The following TTLL11 variants were observed in gnomAD, a reference collection of about 807,000 sequenced individuals.
The protein encoded by TTLL11 is tubulin tyrosine ligase like 11, also known as tubulin polyglutamylase TTLL11.
TTLL11 carries 42 observed loss-of-function variants against 51.7 expected under a neutral mutation model. The observed-to-expected ratio is 0.81, with a 90% CI of 0.64 to 1.05. The LOEUF is 1.05. Ranked by LOEUF, TTLL11 falls within the 50% of genes least tolerant of loss-of-function variation. TTLL11 has a pLI of 0.00. For synonymous variants in TTLL11, 381 were observed against 383.5 expected, an observed-to-expected ratio of 0.99 and a Z score of 0.08; for missense variants, 799 against 940.4, an observed-to-expected ratio of 0.85 and a Z score of 1.97.
intron 6 of TTLL11, among the ~76,000 whole-genome samples, chr9:121,874,756 A>ATTTT (rs35998915): frequency 3.6e-5 from 5 of 137,606 alleles, no homozygotes; most frequent in Non-Finnish European, 4.7e-5. Flanking sequence ...CAGAGGCATA[A>ATTTT]TTTTTTTTTT....
chr9:121,989,160 G>C lies in TTLL11; in HGVS notation c.1269+35C>G. ...GAGAGCCCTCTTGAGGCCGGTCAAG[G>C]CTGGAAACGCAGGCTGGGAACTGGC... On this transcript the variant is annotated intron_variant, in intron 4 of 8. Coordinates refer to ENST00000321582, the MANE Select transcript of TTLL11 (RefSeq NM_001139442.2). This position sits in a 1 kb window ranked among gnomAD's most constrained non-coding sequence, Gnocchi z 4.2. 15 of 1,607,372 alleles carry C rather than the reference G, an allele frequency of 9.3e-6. No homozygotes were observed. The highest frequency in any genetic ancestry group is 1.3e-5 in the Non-Finnish European group (15 of 1,176,122).
chr9:122,084,199 G>T (rs1846065695), intron 1 of TTLL11, among the ~76,000 whole-genome samples: 1 of 152,134 alleles, frequency 6.6e-6, no homozygotes, highest in Non-Finnish European at 1.5e-5. Context: ...CGCACCCAGG[G>T]AAGACTACAC....
chr9:121,830,154 A>ATGTTATTATGCCCACTTTTATGTTATTAT (rs1836957526), intron 8 of TTLL11, among the ~76,000 whole-genome samples: 1 of 152,224 alleles, frequency 6.6e-6, no homozygotes, highest in Non-Finnish European at 1.5e-5. Context: ...CCCACTTTGT[A>ATGTTATTATGCCCACTTTTATGTTATTAT]GCTGAGGACA....
At chr9:122,092,592 C>A in intron 1 of TTLL11, 95 bp downstream of exon 1, 1 of 1,490,802 alleles carries the variant, frequency 6.7e-7, no homozygotes, top group Non-Finnish European at 8.9e-7. Flanking sequence ...GAGCTCAGCC[C>A]TCGCCCGCCG....
intron 1 of TTLL11, among the ~76,000 whole-genome samples, chr9:122,070,533 T>A (rs1048637571): frequency 6.6e-6 from 1 of 152,138 alleles, no homozygotes; most frequent in Admixed American, 6.5e-5. Flanking sequence ...TCCTTTTAAA[T>A]GTGACACCCC....
intron 6 of TTLL11, among the ~76,000 whole-genome samples, chr9:121,896,377 T>C (rs1451589527): frequency 6.6e-6 from 1 of 152,160 alleles, no homozygotes; most frequent in African/African-American, 2.4e-5. Flanking sequence ...TCACTTTTAG[T>C]CATCTTCCTC....
rs376337875 is a variant in TTLL11, at chr9:121,989,096, T to G, written c.1269+99A>C. The G allele has an allele frequency of 3.2e-6, 5 of 1,543,140 alleles. No homozygotes were observed. The highest frequency in any genetic ancestry group is 4.4e-6 in the Non-Finnish European group (5 of 1,144,154). ...GCACCACCAACACTGTCCCCTCCTC[T>G]GGCCATCCCACCCCGATCACTCATC... On this transcript the variant is annotated intron_variant, in intron 4 of 8. Coordinates refer to ENST00000321582, the MANE Select transcript of TTLL11 (RefSeq NM_001139442.2). This position sits in a 1 kb window ranked among gnomAD's most constrained non-coding sequence, Gnocchi z 4.2.
rs1836449751 is a variant in TTLL11, at chr9:121,817,657, G to A, written c.*4930C>T. The A allele has an allele frequency of 6.6e-6, 1 of 152,242 alleles. No homozygotes were observed. Among genetic ancestry groups the A allele is most frequent in the Non-Finnish European group, 1.5e-5 (1 of 68,072 alleles). 9.4% of individuals were successfully genotyped at this position (152,242 alleles called of 1,614,324 possible). A position where few individuals can be genotyped will look rare whatever the true frequency, so the allele number is the denominator to read the frequency against. On this transcript the variant is annotated 3_prime_UTR_variant, in exon 9 of 9. Transcript: ENST00000321582. ...AAACACCCAGCCTCTGCGGGACGTG[G>A]GTTTCCACACCTGCAAAATGGGATG... is the stretch of plus-strand genomic sequence containing the variant.
chr9:121,902,513 A>C (rs750147158), intron 6 of TTLL11, among the ~76,000 whole-genome samples: 1 of 152,100 alleles, frequency 6.6e-6, no homozygotes, highest in Non-Finnish European at 1.5e-5. Context: ...CCTGTGTCCC[A>C]CTTTAGGCTT....
chr9:121,822,073 A>G lies in TTLL11; in HGVS notation c.*514T>C, dbSNP rs1312802836. 1 of 152,348 alleles carries G rather than the reference A, an allele frequency of 6.6e-6. No individual in the cohort carries two copies. The highest frequency in any genetic ancestry group is 2.4e-5 in the African/African-American group (1 of 41,470). The allele number at this position is 152,348 out of a possible 1,614,324, so 9.4% of individuals were successfully genotyped here. A position where few individuals can be genotyped will look rare whatever the true frequency, so the allele number is the denominator to read the frequency against. On this transcript the variant is annotated 3_prime_UTR_variant, in exon 9 of 9. Transcript: ENST00000321582. The surrounding 1 kb of genome is among the most constrained non-coding windows in gnomAD (Gnocchi z 5.8). Reference sequence around the variant, plus strand: ...AATCTGTTCACTACACCCATGTAGCACATGACTGGGATGGGAGATTCGCAG... The same window carrying G: ...AATCTGTTCACTACACCCATGTAGCGCATGACTGGGATGGGAGATTCGCAG...
At chr9:122,016,422 G>C (rs1843982955) in intron 3 of TTLL11, among the ~76,000 whole-genome samples, 1 of 152,134 alleles carries the variant, frequency 6.6e-6, no homozygotes, top group African/African-American at 2.4e-5. Context: ...GGTCAAATCA[G>C]CACATTGTCT....
intron 6 of TTLL11, among the ~76,000 whole-genome samples, chr9:121,962,018 T>C (rs1400305890): frequency 3.3e-5 from 5 of 152,292 alleles, no homozygotes; most frequent in African/African-American, 1.2e-4. Context: ...ATCGTGCCAC[T>C]GCACTCCAGC....
At chr9:121,838,752 GAA>G (rs1651339918) in intron 8 of TTLL11, among the ~76,000 whole-genome samples, 1 of 151,038 alleles carries the variant, frequency 6.6e-6, no homozygotes, top group African/African-American at 2.5e-5. Context: ...AAGAGAGAAA[GAA>G]AGAGAGAAAG....
chr9:121,950,562 G>T (rs73662538), intron 6 of TTLL11, among the ~76,000 whole-genome samples: 11,768 of 152,206 alleles, frequency 0.077, 685 homozygotes, highest in African/African-American at 0.16. Context: ...AGGCCAGCAG[G>T]TGCCACAGGG....
At chr9:121,916,433 C>T (rs1374728467) in intron 6 of TTLL11, among the ~76,000 whole-genome samples, 2 of 151,966 alleles carry the variant, frequency 1.3e-5, no homozygotes, top group Non-Finnish European at 2.9e-5. Flanking sequence ...GGAAGATTTG[C>T]CTTTCAATCT....
chr9:121,956,611 A>T (rs7862441), intron 6 of TTLL11, among the ~76,000 whole-genome samples: 137,490 of 152,260 alleles, frequency 0.9, 62,648 homozygotes, highest in Non-Finnish European at 0.97. Context: ...CTGAGAGCCC[A>T]GTGCCAAGCC....
At position 121,998,488 on chromosome 9, in the gene TTLL11, G is replaced by A. The variant is rs562779789; in HGVS notation, c.694-8718C>T. ...TTCAGTAGAGACGGAGTTTCACTAC[G>A]TTGGTCAGGCTGGTCTCAAACTCCT... is the stretch of plus-strand genomic sequence containing the variant. On this transcript the variant is annotated intron_variant, in intron 3 of 8. Transcript: ENST00000321582. Among the ~76,000 whole-genome samples the A allele has an allele frequency of 5.0e-4, 76 of 151,954 alleles. No homozygotes were observed. In the Middle Eastern group the frequency reaches 0.01, roughly 20 times the overall value.
intron 6 of TTLL11, among the ~76,000 whole-genome samples, chr9:121,895,975 T>C (rs1588106101): frequency 2.3e-5 from 1 of 43,880 alleles, no homozygotes; most frequent in African/African-American, 6.2e-5. Context: ...TGTGGGTGTG[T>C]GTCTGTGGTG....
At chr9:121,946,561 A>G (rs1841675923) in intron 6 of TTLL11, among the ~76,000 whole-genome samples, 2 of 152,172 alleles carry the variant, frequency 1.3e-5, no homozygotes, top group Non-Finnish European at 2.9e-5. Flanking sequence ...AACAGTTACC[A>G]GGTTACCACA....
Sources: gnomAD v4.1 joint callset for allele counts (sites outside exome capture counted in the v4.1 genomes callset) on GRCh38, gnomAD v4.1.1 for gene constraint, Gnocchi (gnomAD v3.1) non-coding constraint, MANE v1.5 for transcripts, NCBI Gene and HGNC (gene_info 2026-07-23, HGNC 2026-07-21) for gene names.